The following ASH1L variants were observed in gnomAD, a reference collection of about 807,000 sequenced individuals.
ASH1L encodes the protein ASH1 like histone lysine methyltransferase.
ASH1L carries 23 observed loss-of-function variants against 269.0 expected under a neutral mutation model. The observed-to-expected ratio is 0.09, with a 90% CI of 0.06 to 0.12. The LOEUF (loss-of-function observed/expected upper bound fraction) is 0.12, where lower values mean the gene tolerates loss of function less well. Among genes scored for constraint, ASH1L ranks in the 10% least tolerant of loss-of-function variants. The pLI, the probability that ASH1L is intolerant of heterozygous loss-of-function variation, is 1.00. For synonymous variants in ASH1L, 1,187 were observed against 1,253.5 expected (o/e 0.95, Z 1.12); for missense variants, 2,912 against 3,567.8 (o/e 0.82, Z 4.68).
chr1:155,481,384 T>C lies in ASH1L; in HGVS notation c.1486A>G (p.Asn496Asp). 6.2e-7 allele frequency: 1 copy of C among 1,614,118 alleles called. No homozygotes were observed. The highest frequency in any genetic ancestry group is 8.5e-7 in the Non-Finnish European group (1 of 1,179,998). Residue 496 changes from asparagine (N) to aspartate (D), a missense_variant, in exon 3 of 28, where the codon AAT becomes GAT. Around this residue, in one of 13 missense-constraint regions of ASH1L, gnomAD observed 715 missense variants for 721.0 expected, o/e 0.99. Coordinates refer to ENST00000392403, the MANE Select transcript of ASH1L (RefSeq NM_018489.3). ...TCTTGCTGAATGCATGTTCCTTCAT[T>C]AAACATTTCTTTCTCCAAATTAATG... ...EIINLEKEMF[N>D]EGTCIQQDSF...
intron 1 of ASH1L, among the ~76,000 whole-genome samples, chr1:155,551,101 G>T (rs1042261022): frequency 2.6e-5 from 4 of 152,152 alleles, no homozygotes; most frequent in African/African-American, 9.6e-5. Context: ...GATTACAGGG[G>T]AGAGCCACCA....
chr1:155,365,768 G>T (rs1655365063), intron 12 of ASH1L, among the ~76,000 whole-genome samples: 2 of 152,072 alleles, frequency 1.3e-5, no homozygotes, highest in African/African-American at 4.8e-5. Flanking sequence ...CCCTGTATAG[G>T]GTTCCTGACC....
intron 12 of ASH1L, 85 bp downstream of exon 12, chr1:155,370,419 G>A: frequency 1.9e-6 from 3 of 1,557,524 alleles, no homozygotes; most frequent in Non-Finnish European, 2.6e-6. Flanking sequence ...TGTGTAAGCT[G>A]ACTGACACTG....
chr1:155,431,204 C>T (rs1388341656), intron 5 of ASH1L, among the ~76,000 whole-genome samples: 2 of 151,102 alleles, frequency 1.3e-5, no homozygotes, highest in African/African-American at 4.9e-5. Context: ...GATGCCGTCT[C>T]AACAACAACA....
intron 5 of ASH1L, among the ~76,000 whole-genome samples, chr1:155,421,136 G>A (rs1341599852): frequency 6.6e-6 from 1 of 150,596 alleles, no homozygotes; most frequent in East Asian, 2.0e-4. Flanking sequence ...CTACTGAAGA[G>A]GCTAAAGTGG....
At chr1:155,551,379 G>A (rs1052784904) in intron 1 of ASH1L, among the ~76,000 whole-genome samples, 6 of 152,214 alleles carry the variant, frequency 3.9e-5, no homozygotes, top group Middle Eastern at 3.4e-3. Flanking sequence ...AAGAATCTAC[G>A]GCCGGGCGCA....
At chr1:155,491,688 G>C (rs1398321529) in intron 2 of ASH1L, among the ~76,000 whole-genome samples, 1 of 151,176 alleles carries the variant, frequency 6.6e-6, no homozygotes, top group Non-Finnish European at 1.5e-5. Flanking sequence ...TCATTTTTTT[G>C]AGACTGAGTT....
chr1:155,558,402 C>CA (rs1671740939), intron 1 of ASH1L, among the ~76,000 whole-genome samples: 2 of 151,906 alleles, frequency 1.3e-5, no homozygotes, highest in South Asian at 4.2e-4. Context: ...ACCCAGGAGG[C>CA]AGAGGTTGCA....
intron 2 of ASH1L, among the ~76,000 whole-genome samples, chr1:155,518,466 TGA>T (rs1668643945): frequency 6.6e-6 from 1 of 151,936 alleles, no homozygotes; most frequent in South Asian, 2.1e-4. Context: ...ATCCACAGAA[TGA>T]GAGAAAATAT....
At chr1:155,513,687 C>T (rs1668320609) in intron 2 of ASH1L, among the ~76,000 whole-genome samples, 1 of 151,812 alleles carries the variant, frequency 6.6e-6, no homozygotes, top group Admixed American at 6.6e-5. Context: ...TATATACATA[C>T]CCAAAAGATG....
At chr1:155,358,312 A>G (rs1303539911) in intron 13 of ASH1L, among the ~76,000 whole-genome samples, 1 of 152,166 alleles carries the variant, frequency 6.6e-6, no homozygotes, top group African/African-American at 2.4e-5. Flanking sequence ...CTCTTTCTTC[A>G]AAGTAATTGG....
rs771064214 is a variant in ASH1L, at chr1:155,354,628, T to G, written c.7058A>C (p.Asn2353Thr). The G allele has an allele frequency of 7.5e-6, 12 of 1,607,834 alleles. No homozygotes were observed. In the East Asian group the frequency reaches 2.5e-4, roughly 33 times the overall value. ...GAATACATGATGCTTTAACACAAAG[T>G]TCCTGCAAGGAAGGAAAAAAAATCT... ...QMKPMSNRER[N>T]FVLKHHVFLV... Residue 2353 changes from asparagine (N) to threonine (T), a missense_variant and splice_region_variant, in exon 16 of 28, where the codon AAC becomes ACC. Physicochemically the swap from Asn to Thr is moderately conservative, Grantham distance 65. This residue lies in a region of ASH1L where 309 missense variants were observed against 435.1 expected (regional missense o/e 0.71). Coordinates refer to ENST00000392403, the MANE Select transcript of ASH1L (RefSeq NM_018489.3).
At chr1:155,354,401 C>T (rs961130578) in intron 16 of ASH1L, 72 bp downstream of exon 16, 3 of 1,407,882 alleles carry the variant, frequency 2.1e-6, no homozygotes, top group Non-Finnish European at 2.0e-6. Context: ...CTAGATCATG[C>T]CATTGCACTC....
At chr1:155,551,288 A>T (rs146674798) in intron 1 of ASH1L, among the ~76,000 whole-genome samples, 21 of 151,974 alleles carry the variant, frequency 1.4e-4, no homozygotes, top group Non-Finnish European at 3.1e-4. Flanking sequence ...GGGGGGAAAA[A>T]TTTTTGTCAC....
Position 155,556,907 on chromosome 1 carries a change from G to A in ASH1L, c.-100+5246C>T, listed in dbSNP as rs1381122104. Among the ~76,000 whole-genome samples the A allele has an allele frequency of 2.6e-5, 4 of 152,094 alleles. No homozygotes were observed. In the East Asian group the frequency reaches 5.8e-4, roughly 22 times the overall value. ...AAATTAAAAATTAGCCAGGCGTGGT[G>A]GCATGTGCCTGTAATCCCAGTTACT... On this transcript the variant is annotated intron_variant, in intron 1 of 27. Transcript: ENST00000392403.
At chr1:155,452,649 G>C (rs1393290390) in intron 4 of ASH1L, among the ~76,000 whole-genome samples, 1 of 151,604 alleles carries the variant, frequency 6.6e-6, no homozygotes, top group East Asian at 1.9e-4. Context: ...CTGCCTCCTG[G>C]GTTCAAGCAA....
intron 8 of ASH1L, 117 bp downstream of exon 8, chr1:155,379,926 C>G: frequency 1.4e-6 from 1 of 712,044 alleles, no homozygotes; most frequent in Non-Finnish European, 2.4e-6. Flanking sequence ...TTCACAGGGA[C>G]ACTTCTGAAA....
intron 5 of ASH1L, among the ~76,000 whole-genome samples, chr1:155,416,572 G>A (rs1461152378): frequency 6.6e-6 from 1 of 151,846 alleles, no homozygotes; most frequent in Non-Finnish European, 1.5e-5. Flanking sequence ...GTCTCGCTCT[G>A]TTGCCCAGGC....
Position 155,482,198 on chromosome 1 carries a change from A to G in ASH1L, c.672T>C (p.Ile224=). Reference sequence around the variant, plus strand: ...AAGACTTGGAAGGAGGACAGGTAGCAATCAGCTGTGCCAACTTTTCTGTTA... The same window carrying G: ...AAGACTTGGAAGGAGGACAGGTAGCGATCAGCTGTGCCAACTTTTCTGTTA... ...TSVTEKLAQL[I]ATCPPSKSSK... Residue 224 remains isoleucine, a synonymous_variant, in exon 3 of 28, where the codon ATT becomes ATC. Transcript: ENST00000392403. The G allele has an allele frequency of 6.2e-7, 1 of 1,614,208 alleles. No homozygotes were observed. The highest frequency in any genetic ancestry group is 1.1e-5 in the South Asian group (1 of 91,082).
Sources: gnomAD v4.1 joint callset for allele counts (sites outside exome capture counted in the v4.1 genomes callset) on GRCh38, gnomAD v4.1.1 for gene constraint, gnomAD v4.1.1 regional missense constraint, MANE v1.5 for transcripts, NCBI Gene and HGNC (gene_info 2026-07-23, HGNC 2026-07-21) for gene names.